Variants in SLC7A14 observed in about 807,000 individuals in gnomAD.
SLC7A14 encodes gamma-aminobutyric acid transporter SLC7A14.
Under a neutral mutation model 60.2 loss-of-function variants are expected in SLC7A14, and 37 were observed. The observed-to-expected ratio is 0.61, with a 90% CI of 0.47 to 0.81. SLC7A14 has a LOEUF of 0.81. Ranked by LOEUF, SLC7A14 falls within the 30% of genes least tolerant of loss-of-function variation. The pLI, the probability that SLC7A14 is intolerant of heterozygous loss-of-function variation, is 0.00. For missense variants in SLC7A14, 886 were observed against 982.7 expected, an observed-to-expected ratio of 0.90 and a Z score of 1.32; for synonymous variants, 399 against 395.8, an observed-to-expected ratio of 1.01 and a Z score of -0.10.
Position 170,483,485 on chromosome 3 carries a change from G to C in SLC7A14, c.944C>G (p.Thr315Ser). The change falls in exon 6 of 8, where the codon ACC becomes AGC. Residue 315 changes from threonine (T) to serine (S), a missense_variant. By Grantham distance (58) the Thr-to-Ser change is moderately conservative. Coordinates refer to ENST00000231706, the MANE Select transcript of SLC7A14 (RefSeq NM_020949.3). Reference sequence around the variant, plus strand: ...CATGAGTGGGGATTCCGTGTCAATGGTATAATATGGCACCATCAGAGTTAA... The same window carrying C: ...CATGAGTGGGGATTCCGTGTCAATGCTATAATATGGCACCATCAGAGTTAA... ...VILTLMVPYY[T>S]IDTESPLMEM... 1 of 1,614,196 alleles carries C rather than the reference G, an allele frequency of 6.2e-7. No homozygotes were observed. The highest frequency in any genetic ancestry group is 8.5e-7 in the Non-Finnish European group (1 of 1,180,040).
At chr3:170,569,848 G>A (rs1425091847) in intron 1 of SLC7A14, among the ~76,000 whole-genome samples, 2 of 152,090 alleles carry the variant, frequency 1.3e-5, no homozygotes, top group Admixed American at 6.5e-5. Flanking sequence ...TGTGGGGTCG[G>A]TGGTGATATC....
At chr3:170,540,381 A>G (rs1713984618) in intron 1 of SLC7A14, among the ~76,000 whole-genome samples, 1 of 152,140 alleles carries the variant, frequency 6.6e-6, no homozygotes, top group Non-Finnish European at 1.5e-5. Flanking sequence ...TCTTTTACCC[A>G]ATCAGAGCAG....
chr3:170,550,381 G>A (rs1258948418), intron 1 of SLC7A14, among the ~76,000 whole-genome samples: 1 of 152,008 alleles, frequency 6.6e-6, no homozygotes, highest in Admixed American at 6.6e-5. Context: ...GATCTCAATA[G>A]CCATAAACCG....
At chr3:170,517,666 G>A (rs549522299) in intron 2 of SLC7A14, among the ~76,000 whole-genome samples, 1 of 152,320 alleles carries the variant, frequency 6.6e-6, no homozygotes, top group East Asian at 1.9e-4. Context: ...CTATGTTTGA[G>A]CTTTGCAAGA....
At position 170,580,972 on chromosome 3, in the gene SLC7A14, A is replaced by G. The variant is rs548621430; in HGVS notation, c.-153+4939T>C. 2.0e-5 allele frequency among the ~76,000 whole-genome samples: 3 copies of G among 152,348 alleles called. No homozygotes were observed. In the South Asian group the frequency reaches 6.2e-4, roughly 32 times the overall value. ...TCTGAAAAGCAGTTTTACTTGACGC[A>G]TAAATAGCATACACAGATCAAAGTG... On this transcript the variant is annotated intron_variant, in intron 1 of 7. Coordinates refer to ENST00000231706, the MANE Select transcript of SLC7A14 (RefSeq NM_020949.3).
chr3:170,487,205 G>T (rs973326583), intron 4 of SLC7A14, among the ~76,000 whole-genome samples: 5 of 143,568 alleles, frequency 3.5e-5, no homozygotes, highest in Non-Finnish European at 7.5e-5. Flanking sequence ...CATGGCTCCA[G>T]GGGTGTTTGG....
chr3:170,497,663 A>C (rs1391753228), intron 4 of SLC7A14, among the ~76,000 whole-genome samples: 1 of 152,182 alleles, frequency 6.6e-6, no homozygotes, highest in African/African-American at 2.4e-5. Context: ...GACAGCTCAA[A>C]ATTCTCTGAT....
intron 2 of SLC7A14, among the ~76,000 whole-genome samples, chr3:170,515,318 C>G (rs998081373): frequency 5.2e-5 from 5 of 96,608 alleles, no homozygotes; most frequent in Non-Finnish European, 6.4e-5. Flanking sequence ...GTCCGCCCCC[C>G]CCAAAAAAAA....
At chr3:170,549,740 G>C (rs1406887329) in intron 1 of SLC7A14, among the ~76,000 whole-genome samples, 2 of 152,066 alleles carry the variant, frequency 1.3e-5, no homozygotes, top group South Asian at 2.1e-4. Flanking sequence ...TGGTTCCCCA[G>C]GTCACCTCCA....
At chr3:170,550,271 A>G (rs1714305578) in intron 1 of SLC7A14, among the ~76,000 whole-genome samples, 1 of 152,224 alleles carries the variant, frequency 6.6e-6, no homozygotes, top group Admixed American at 6.5e-5. Context: ...GAAGAACTAG[A>G]AGGCAATTAA....
chr3:170,490,849 A>C (rs570357956), intron 4 of SLC7A14, among the ~76,000 whole-genome samples: 2 of 152,360 alleles, frequency 1.3e-5, no homozygotes, highest in African/African-American at 4.8e-5. Flanking sequence ...TGTTACAAGG[A>C]TAAAATGAGA....
At chr3:170,517,998 G>C (rs1339425015) in intron 2 of SLC7A14, among the ~76,000 whole-genome samples, 1 of 152,198 alleles carries the variant, frequency 6.6e-6, no homozygotes, top group African/African-American at 2.4e-5. Context: ...AGATCTCAGA[G>C]ATAGCTCGCT....
intron 3 of SLC7A14, among the ~76,000 whole-genome samples, chr3:170,500,593 C>T (rs1161610459): frequency 2.0e-5 from 3 of 151,814 alleles, no homozygotes; most frequent in Non-Finnish European, 4.4e-5. Flanking sequence ...CCATTTTATT[C>T]ATTAAATTTT....
At position 170,539,856 on chromosome 3, in the gene SLC7A14, T is replaced by A. The variant is rs537124963; in HGVS notation, c.-152-12768A>T. Among the ~76,000 whole-genome samples the A allele has an allele frequency of 6.8e-4, 103 of 152,314 alleles. 1 individual carries two copies. The highest frequency in any genetic ancestry group is 2.5e-3 in the African/African-American group (102 of 41,566). ...CTATATGTACATACCTATGATAAAG[T>A]TTAATTAATAGATTAGCCACAGTAA... On this transcript the variant is annotated intron_variant, in intron 1 of 7. Coordinates refer to ENST00000231706, the MANE Select transcript of SLC7A14 (RefSeq NM_020949.3).
intron 2 of SLC7A14, among the ~76,000 whole-genome samples, chr3:170,518,716 T>C (rs1487041321): frequency 6.6e-6 from 1 of 152,202 alleles, no homozygotes; most frequent in African/African-American, 2.4e-5. Context: ...CTTTGGAGAA[T>C]GACCAGGATG....
intron 1 of SLC7A14, among the ~76,000 whole-genome samples, chr3:170,528,566 T>A (rs1326441654): frequency 6.6e-6 from 1 of 152,220 alleles, no homozygotes; most frequent in Non-Finnish European, 1.5e-5. Flanking sequence ...TTTCAAACGC[T>A]AATTAGAAGA....
In SLC7A14 at chr3:170,585,675, G is replaced by A. The variant is rs1360276817; in HGVS notation, c.-153+236C>T. Among the ~76,000 whole-genome samples, 1 of 152,122 alleles carries A rather than the reference G, an allele frequency of 6.6e-6. No homozygotes were observed. Among genetic ancestry groups the A allele is most frequent in the African/African-American group, 2.4e-5 (1 of 41,446 alleles). ...GTGCCCCCAGACCGCGGGCAGTCGG[G>A]GCCTCATTCCGGGCCAGAGCAGGAA... On this transcript the variant is annotated intron_variant, in intron 1 of 7. Coordinates refer to ENST00000231706, the MANE Select transcript of SLC7A14 (RefSeq NM_020949.3). This position sits in a 1 kb window ranked among gnomAD's most constrained non-coding sequence, Gnocchi z 5.1.
At chr3:170,530,065 CA>C (rs1241227074) in intron 1 of SLC7A14, among the ~76,000 whole-genome samples, 1 of 152,144 alleles carries the variant, frequency 6.6e-6, no homozygotes, top group African/African-American at 2.4e-5. Context: ...TAGGTTGGCA[CA>C]AAAGTAATTG....
At chr3:170,473,509 A>C (rs1711513088) in intron 7 of SLC7A14, among the ~76,000 whole-genome samples, 1 of 152,320 alleles carries the variant, frequency 6.6e-6, no homozygotes, top group African/African-American at 2.4e-5. Context: ...ACTTTCCAGC[A>C]GGAAGCTCTG....
Sources: gnomAD v4.1 joint callset for allele counts (sites outside exome capture counted in the v4.1 genomes callset) on GRCh38, gnomAD v4.1.1 for gene constraint, Gnocchi (gnomAD v3.1) non-coding constraint, MANE v1.5 for transcripts, NCBI Gene and HGNC (gene_info 2026-07-23, HGNC 2026-07-21) for gene names.